GPS1: variants seen among roughly 807,000 people sequenced by gnomAD.
GPS1 encodes the protein COP9 signalosome complex subunit 1.
In GPS1, 11 loss-of-function variants were observed where a neutral mutation model predicts 60.0. The ratio of observed to expected loss-of-function variants is 0.18; its 90% CI spans 0.12 to 0.30. GPS1 has a LOEUF of 0.30. Ranked by LOEUF, GPS1 falls within the 10% of genes least tolerant of loss-of-function variation. GPS1 has a pLI of 1.00. For missense variants in GPS1, 543 were observed against 669.2 expected, an observed-to-expected ratio of 0.81 and a Z score of 2.08; for synonymous variants, 343 against 269.8, an observed-to-expected ratio of 1.27 and a Z score of -2.66.
At chr17:82,051,431 C>A (rs912833330), upstream of GPS1, 1 of 1,345,502 alleles carries the variant, frequency 7.4e-7, no homozygotes, top group Non-Finnish European at 9.6e-7. This position sits in a 1 kb window ranked among gnomAD's most constrained non-coding sequence, Gnocchi z 4.1. Flanking sequence ...GGGCCTGGGC[C>A]GGGCCTAGAC....
intron 3 of GPS1, 34 bp from the exon 4 acceptor site, chr17:82,054,476 C>G (rs779177158): frequency 6.8e-7 from 1 of 1,460,250 alleles, no homozygotes; most frequent in East Asian, 2.4e-5. Flanking sequence ...GCCCCCGTGA[C>G]CGCCGCCATC....
chr17:82,054,522 C>T lies in GPS1; in HGVS notation c.321C>T (p.Asn107=), dbSNP rs373015830. The part of the protein sequence containing the change: ...KLSEATRELQ[N]APDAIPESGV... ...GGTCCTCTCTCAGGGAGCTGCAGAA[C>T]GCACCCGACGCCATCCCTGAGAGCG... The change falls in exon 4 of 13, where the codon AAC becomes AAT. Residue 107 remains asparagine, a synonymous_variant. Transcript: ENST00000578552. The T allele has an allele frequency of 2.1e-5, 32 of 1,537,934 alleles. No individual in the cohort carries two copies. The highest frequency in any genetic ancestry group is 1.4e-4 in the East Asian group (6 of 43,822).
At chr17:82,051,501 T>C, upstream of GPS1, 1 of 1,378,802 alleles carries the variant, frequency 7.3e-7, no homozygotes, top group Non-Finnish European at 9.4e-7. The surrounding 1 kb of genome is among the most constrained non-coding windows in gnomAD (Gnocchi z 4.1). Flanking sequence ...CCGGCGCACC[T>C]GCTGGCGGGC....
At position 82,053,281 on chromosome 17, in the gene GPS1, T is replaced by G; in HGVS notation, c.41T>G (p.Val14Gly). 1 of 1,543,670 alleles carries G rather than the reference T, an allele frequency of 6.5e-7. No individual in the cohort carries two copies. The highest frequency in any genetic ancestry group is 1.2e-5 in the South Asian group (1 of 80,770). Residue 14 changes from valine (V) to glycine (G), a missense_variant, in exon 2 of 13, where the codon GTG becomes GGG. This residue lies in a region of GPS1 where 181 missense variants were observed against 188.8 expected (regional missense o/e 0.96). Transcript: ENST00000578552. ...GCCTGGCCCATGTTGCAGGGGGCCG[T>G]GGAGCCCATGCAGATCGACGTGGAC... The part of the protein sequence containing the change: ...PVQVFNLQGA[V>G]EPMQIDVDPQ...
intron 2 of GPS1, 190 bp downstream of exon 2, chr17:82,053,556 G>A: frequency 1.9e-6 from 1 of 527,796 alleles, no homozygotes; most frequent in Non-Finnish European, 3.2e-6. Context: ...AGCTTCAGAT[G>A]CTGCTCATGG....
chr17:82,056,131 C>A, intron 8 of GPS1, 36 bp downstream of exon 8: 1 of 1,534,216 alleles, frequency 6.5e-7, no homozygotes, highest in Non-Finnish European at 9.0e-7. Flanking sequence ...GAAGGCTGTC[C>A]CCGTCCCTCT....
intron 12 of GPS1, 35 bp from the exon 13 acceptor site, chr17:82,057,018 T>G: frequency 6.2e-7 from 1 of 1,610,968 alleles, no homozygotes; most frequent in Non-Finnish European, 8.5e-7. Context: ...GTGTGGGGCC[T>G]GGTGGCTGTG....
At chr17:82,055,388 C>T (rs1376787218) in intron 6 of GPS1, 166 bp downstream of exon 6, 3 of 730,768 alleles carry the variant, frequency 4.1e-6, no homozygotes, top group Non-Finnish European at 7.1e-6. Context: ...AAAGTCTGCC[C>T]CGGGGAAGCC....
intron 11 of GPS1, 24 bp from the exon 12 acceptor site, chr17:82,056,816 C>A (rs1201537480): frequency 1.2e-6 from 2 of 1,610,360 alleles, no homozygotes; most frequent in African/African-American, 1.3e-5. Flanking sequence ...GAGCCTGGGC[C>A]CCGCTGAGCT....
At position 82,053,900 on chromosome 17, in the gene GPS1, C is replaced by T. The variant is rs776926074; in HGVS notation, c.159C>T (p.Gly53=). Residue 53 remains glycine (G), a synonymous_variant, in exon 3 of 13, where the codon GGC becomes GGT. Coordinates refer to ENST00000578552, the MANE Select transcript of GPS1 (RefSeq NM_001321092.3). ...DLEQYAASYS[G]LMRIERLQFI... The stretch of plus-strand genomic sequence containing the variant: ...AACAGTACGCGGCCAGCTACAGCGG[C>T]CTGATGCGCATCGAACGGCTGCAGT... 2 of 1,612,358 alleles carry T rather than the reference C, an allele frequency of 1.2e-6. No homozygotes were observed. Among genetic ancestry groups the T allele is most frequent in the Non-Finnish European group, 1.7e-6 (2 of 1,179,844 alleles).
chr17:82,055,699 A>ACC, intron 6 of GPS1, 41 bp from the exon 7 acceptor site: 1 of 1,017,794 alleles, frequency 9.8e-7, no homozygotes, highest in Non-Finnish European at 1.5e-6. Flanking sequence ...CTGGGGTCTT[A>ACC]CCCCCTCTCC....
intron 10 of GPS1, 21 bp from the exon 11 acceptor site, chr17:82,056,608 T>C (rs1282651057): frequency 7.4e-6 from 12 of 1,612,290 alleles, no homozygotes; most frequent in Non-Finnish European, 1.0e-5. Flanking sequence ...GCTGTGGAGC[T>C]GACTTCCCTC....
upstream of GPS1, chr17:82,051,399 C>G: frequency 1.4e-6 from 2 of 1,411,536 alleles, no homozygotes; most frequent in South Asian, 3.4e-5. This position sits in a 1 kb window ranked among gnomAD's most constrained non-coding sequence, Gnocchi z 4.1. Context: ...GGAGACCGAC[C>G]CGCCCCGCGC....
At position 82,053,278 on chromosome 17, in the gene GPS1, C is replaced by T. The variant is rs1259595966; in HGVS notation, c.38C>T (p.Ala13Val). 7 of 1,541,240 alleles carry T rather than the reference C, an allele frequency of 4.5e-6. No individual in the cohort carries two copies. In the Admixed American group the frequency reaches 6.9e-5, roughly 15 times the overall value. ...GGTGCCTGGCCCATGTTGCAGGGGG[C>T]CGTGGAGCCCATGCAGATCGACGTG... ...LPVQVFNLQG[A>V]VEPMQIDVDP... The change falls in exon 2 of 13, where the codon GCC (alanine) becomes GTC (valine). Residue 13 changes from alanine (A) to valine (V), a missense_variant. By Grantham distance (64) the Ala-to-Val change is moderately conservative. Around this residue, in one of 3 missense-constraint regions of GPS1, gnomAD observed 181 missense variants for 188.8 expected, o/e 0.96. Coordinates refer to ENST00000578552, the MANE Select transcript of GPS1 (RefSeq NM_001321092.3).
chr17:82,054,440 T>G (rs1235727677), intron 3 of GPS1, 70 bp from the exon 4 acceptor site: 33 of 1,436,406 alleles, frequency 2.3e-5, no homozygotes, highest in Non-Finnish European at 2.5e-5. Context: ...CAGCCTGAGA[T>G]TGGCGGCTTC....
intron 1 of GPS1, chr17:82,053,060 T>G: frequency 2.5e-6 from 1 of 400,650 alleles, no homozygotes; most frequent in Non-Finnish European, 4.4e-6. Context: ...CTTAGAGTCT[T>G]GTGAGGAGAC....
At chr17:82,052,404 C>A in intron 1 of GPS1, 1 of 1,611,592 alleles carries the variant, frequency 6.2e-7, no homozygotes, top group Non-Finnish European at 8.5e-7. Context: ...CTGCCCGGCA[C>A]GGCCGGGGAC....
chr17:82,052,201 A>AGCTCACGGGAGAG, intron 1 of GPS1: 1 of 1,449,476 alleles, frequency 6.9e-7, no homozygotes, highest in African/African-American at 1.4e-5. Flanking sequence ...CCCTCCCAGC[A>AGCTCACGGGAGAG]GCTCACGGGA....
At chr17:82,055,671 T>C in intron 6 of GPS1, 69 bp from the exon 7 acceptor site, 2 of 1,119,024 alleles carry the variant, frequency 1.8e-6, no homozygotes, top group South Asian at 1.3e-5. Flanking sequence ...TTCCAGGCGT[T>C]AGCGGCTTCC....
Sources: gnomAD v4.1 joint callset for allele counts on GRCh38, gnomAD v4.1.1 for gene constraint, gnomAD v4.1.1 regional missense constraint, Gnocchi (gnomAD v3.1) non-coding constraint, MANE v1.5 for transcripts, NCBI Gene and HGNC (gene_info 2026-07-23, HGNC 2026-07-21) for gene names.